Variants in NTN4 observed in about 807,000 individuals in gnomAD.
NTN4 encodes netrin-4.
Under a neutral mutation model 73.6 loss-of-function variants are expected in NTN4, and 32 were observed. The observed-to-expected ratio is 0.44, with a 90% CI of 0.33 to 0.58. The LOEUF is 0.58. NTN4 is among the 20% of genes least tolerant of loss of function. The probability of loss-of-function intolerance (pLI) is 0.04; values close to 1 mark genes in which losing one functional copy is unlikely to be tolerated. For missense variants in NTN4, 654 were observed against 798.3 expected (o/e 0.82, Z 2.18); for synonymous variants, 258 against 287.5 (o/e 0.90, Z 1.04).
chr12:95,790,447 G>C lies in NTN4; in HGVS notation c.-138C>G. The C allele has an allele frequency of 1.4e-6, 1 of 692,026 alleles. No individual in the cohort carries two copies. The allele number at this position is 692,026 out of a possible 1,614,324, so 42.9% of individuals were successfully genotyped here. On this transcript the variant is annotated 5_prime_UTR_variant, in exon 1 of 10. Transcript: ENST00000343702. This position sits in a 1 kb window ranked among gnomAD's most constrained non-coding sequence, Gnocchi z 6.5. ...TTCCTCCTCCTGGGGCGCCGGGCTCGGTCAGCGGTCGCCGGCAGCTGGGAG... is the reference window on the plus strand; with the variant it reads ...TTCCTCCTCCTGGGGCGCCGGGCTCCGTCAGCGGTCGCCGGCAGCTGGGAG...
intron 2 of NTN4, among the ~76,000 whole-genome samples, chr12:95,771,810 T>G (rs1317851738): frequency 6.6e-6 from 1 of 152,082 alleles, no homozygotes. Context: ...ATGCCAACTA[T>G]TGCTCCCTCT....
At position 95,787,379 on chromosome 12, in the gene NTN4, C is replaced by T. The variant is rs201071210; in HGVS notation, c.145G>A (p.Ala49Thr). ...GCATTCTGACCGCAGGTGGTGTCTG[C>T]CCAGAGTTTTCGCCCCAAAGCCAAA... ...GNLALGRKLW[A>T]DTTCGQNATE... The change falls in exon 2 of 10, where the codon GCA becomes ACA. Residue 49 changes from alanine (A) to threonine (T), a missense_variant. By Grantham distance (58) the Ala-to-Thr change is moderately conservative (BLOSUM62 0). Transcript: ENST00000343702. The T allele has an allele frequency of 1.2e-5, 19 of 1,614,194 alleles. No homozygotes were observed. In the East Asian group the frequency reaches 4.2e-4, roughly 36 times the overall value.
chr12:95,723,572 G>T (rs556748485), intron 3 of NTN4, among the ~76,000 whole-genome samples: 2 of 152,122 alleles, frequency 1.3e-5, no homozygotes, highest in African/African-American at 4.8e-5. Context: ...CTGGAGTACA[G>T]TGGCACTATC....
At chr12:95,726,090 A>G (rs2078691767) in intron 3 of NTN4, among the ~76,000 whole-genome samples, 1 of 151,486 alleles carries the variant, frequency 6.6e-6, no homozygotes, top group Non-Finnish European at 1.5e-5. Flanking sequence ...TTTTTAAGCT[A>G]TTGATTTTTT....
intron 2 of NTN4, among the ~76,000 whole-genome samples, chr12:95,774,656 C>T (rs2079079506): frequency 6.6e-6 from 1 of 152,220 alleles, no homozygotes; most frequent in South Asian, 2.1e-4. Context: ...AGTAATTTAT[C>T]ATTTTCTGCA....
chr12:95,754,101 ACT>A (rs1291685532), intron 2 of NTN4, among the ~76,000 whole-genome samples: 1 of 152,024 alleles, frequency 6.6e-6, no homozygotes, highest in African/African-American at 2.4e-5. Flanking sequence ...CTCCTTAGGC[ACT>A]CTCTAATCAG....
chr12:95,686,095 G>C (rs2078359119), intron 5 of NTN4, among the ~76,000 whole-genome samples: 1 of 151,882 alleles, frequency 6.6e-6, no homozygotes, highest in Non-Finnish European at 1.5e-5. Context: ...GTATCACTAT[G>C]TTGCTCAGGC....
chr12:95,675,389 T>C (rs1290071881), intron 7 of NTN4, among the ~76,000 whole-genome samples: 2 of 152,230 alleles, frequency 1.3e-5, no homozygotes, highest in African/African-American at 4.8e-5. Context: ...ATCTAAAATG[T>C]GGATTGATGG....
chr12:95,766,840 G>A (rs2079024426), intron 2 of NTN4, among the ~76,000 whole-genome samples: 1 of 152,194 alleles, frequency 6.6e-6, no homozygotes, highest in Admixed American at 6.5e-5. Context: ...ATGGTATACT[G>A]TTGACTCACG....
At chr12:95,687,424 G>A (rs2078370258) in intron 5 of NTN4, among the ~76,000 whole-genome samples, 1 of 150,012 alleles carries the variant, frequency 6.7e-6, no homozygotes, top group Non-Finnish European at 1.5e-5. Context: ...TTTTTGTGAT[G>A]GAGTCTTGCT....
Position 95,696,193 on chromosome 12 carries a change from C to A in NTN4, c.1181-12482G>T, listed in dbSNP as rs1478725514. Reference sequence around the variant, plus strand: ...CTTTGAACTGATGCGGTTCATCCTGCCATAATCTGTCATGCTCCCCTTTTT... The same window carrying A: ...CTTTGAACTGATGCGGTTCATCCTGACATAATCTGTCATGCTCCCCTTTTT... On this transcript the variant is annotated intron_variant, in intron 5 of 9. Coordinates refer to ENST00000343702, the MANE Select transcript of NTN4 (RefSeq NM_021229.4). Among the ~76,000 whole-genome samples the A allele has an allele frequency of 2.6e-5, 4 of 152,272 alleles. No homozygotes were observed. The East Asian group carries it at 7.7e-4, about 29-fold the overall frequency.
intron 4 of NTN4, among the ~76,000 whole-genome samples, chr12:95,712,902 T>G (rs1163349749): frequency 6.7e-6 from 1 of 150,366 alleles, no homozygotes; most frequent in Non-Finnish European, 1.5e-5. Context: ...CCTCCCAAAG[T>G]GCTGAAATTA....
chr12:95,691,785 C>A lies in NTN4; in HGVS notation c.1181-8074G>T, dbSNP rs185045182. Among the ~76,000 whole-genome samples, 567 of 152,162 alleles carry A rather than the reference C, an allele frequency of 3.7e-3. 1 individual carries two copies. The highest frequency in any genetic ancestry group is 0.013 in the African/African-American group (544 of 41,514). Reference sequence around the variant, plus strand: ...TTTTCGTTATAATTTTTAGTGTTCACAGCTGTGGTGAACTGTCCTTAAGAG... The same window carrying A: ...TTTTCGTTATAATTTTTAGTGTTCAAAGCTGTGGTGAACTGTCCTTAAGAG... On this transcript the variant is annotated intron_variant, in intron 5 of 9. Transcript: ENST00000343702.
intron 5 of NTN4, among the ~76,000 whole-genome samples, chr12:95,701,138 T>C (rs1267944739): frequency 1.3e-5 from 2 of 152,156 alleles, no homozygotes; most frequent in African/African-American, 2.4e-5. Context: ...ATGCCTGCTA[T>C]AGAAAAATCT....
At chr12:95,704,921 A>G (rs899734364) in intron 5 of NTN4, among the ~76,000 whole-genome samples, 1 of 152,204 alleles carries the variant, frequency 6.6e-6, no homozygotes, top group Non-Finnish European at 1.5e-5. Context: ...CCTCCTATAC[A>G]TTATGCTAAA....
At chr12:95,778,113 CG>C (rs1316807238) in intron 2 of NTN4, among the ~76,000 whole-genome samples, 1 of 151,938 alleles carries the variant, frequency 6.6e-6, no homozygotes, top group African/African-American at 2.4e-5. Context: ...TTGAAACCAA[CG>C]AGAACAAAGA....
At position 95,659,114 on chromosome 12, in the gene NTN4, A is replaced by G. The variant is rs775740932; in HGVS notation, c.1859T>C (p.Met620Thr). Residue 620 changes from methionine (M) to threonine (T), a missense_variant, in exon 10 of 10, where the codon ATG (methionine) becomes ACG (threonine). Met to Thr is a moderately conservative substitution (Grantham distance 81). Transcript: ENST00000343702. Reference sequence around the variant, plus strand: ...CTTGCACTCTCTTTTTAAAATATCCATGACTTTTCTTCCAAGAGAAGGTTT... The same window carrying G: ...CTTGCACTCTCTTTTTAAAATATCCGTGACTTTTCTTCCAAGAGAAGGTTT... The part of the protein sequence containing the change: ...HWKPSLGRKV[M>T]DILKRECK The G allele has an allele frequency of 2.5e-6, 4 of 1,613,448 alleles. No individual in the cohort carries two copies. In the Admixed American group the frequency reaches 6.7e-5, roughly 27 times the overall value.
chr12:95,785,440 C>T (rs929664969), intron 2 of NTN4, among the ~76,000 whole-genome samples: 2 of 152,200 alleles, frequency 1.3e-5, no homozygotes, highest in African/African-American at 4.8e-5. Flanking sequence ...TGCAAATGGG[C>T]TTACAATATT....
intron 3 of NTN4, among the ~76,000 whole-genome samples, chr12:95,714,336 G>C (rs1041466700): frequency 6.6e-6 from 1 of 152,110 alleles, no homozygotes; most frequent in African/African-American, 2.4e-5. Context: ...ACAAAGGAAA[G>C]GTTTGCAAAG....
Sources: allele counts gnomAD v4.1 joint callset (sites outside exome capture counted in the v4.1 genomes callset), GRCh38; gene constraint gnomAD v4.1.1; non-coding constraint Gnocchi (gnomAD v3.1); transcripts MANE v1.5; gene names NCBI Gene and HGNC (gene_info 2026-07-23, HGNC 2026-07-21).